Variants in DACH2 observed in about 807,000 individuals in gnomAD.
DACH2 encodes the protein dachshund homolog 2.
DACH2 carries 17 observed loss-of-function variants against 35.8 expected under a neutral mutation model. The observed-to-expected ratio is 0.48, with a 90% confidence interval of 0.33 to 0.71. The LOEUF (loss-of-function observed/expected upper bound fraction) is 0.71, where lower values mean the gene tolerates loss of function less well. Ranked by LOEUF, DACH2 falls within the 30% of genes least tolerant of loss-of-function variation. The probability of loss-of-function intolerance (pLI) is 0.02; values close to 1 mark genes in which losing one functional copy is unlikely to be tolerated. For missense variants in DACH2, 469 were observed against 472.7 expected, an observed-to-expected ratio of 0.99 and a Z score of 0.07; for synonymous variants, 195 against 177.3, an observed-to-expected ratio of 1.10 and a Z score of -0.79.
intron 4 of DACH2, among the ~76,000 whole-genome samples, chrX:86,655,006 T>G (rs1040057721): frequency 7.2e-5 from 8 of 111,655 alleles, no homozygotes; most frequent in African/African-American, 9.8e-5. Context: ...TTTGTTGCCC[T>G]TTGGGTCACC....
chrX:86,231,230 C>T (rs2032941667), intron 1 of DACH2, among the ~76,000 whole-genome samples: 1 of 112,367 alleles, frequency 8.9e-6, no homozygotes, highest in Non-Finnish European at 1.9e-5. Context: ...TGGTTTAATG[C>T]TCTATTTTTG....
At chrX:86,815,689 C>T (rs1045746106) in intron 10 of DACH2, among the ~76,000 whole-genome samples, 2 of 106,174 alleles carry the variant, frequency 1.9e-5, no homozygotes, top group Non-Finnish European at 3.9e-5. Flanking sequence ...TTATCAATCA[C>T]ATCTTACAAA....
chrX:86,450,398 T>G (rs2037352619), intron 2 of DACH2, among the ~76,000 whole-genome samples: 3 of 111,374 alleles, frequency 2.7e-5, no homozygotes, highest in Non-Finnish European at 3.8e-5. Flanking sequence ...GAAAAGGACA[T>G]GTTTTTTTTC....
intron 1 of DACH2, among the ~76,000 whole-genome samples, chrX:86,206,167 A>G (rs991909685): frequency 1.2e-4 from 13 of 111,153 alleles, no homozygotes; most frequent in African/African-American, 4.3e-4. Flanking sequence ...TCCCTGATGA[A>G]CTACACTCAT....
intron 5 of DACH2, among the ~76,000 whole-genome samples, chrX:86,696,901 C>T (rs1205851858): frequency 1.8e-5 from 2 of 111,585 alleles, no homozygotes; most frequent in Non-Finnish European, 3.8e-5. Flanking sequence ...GAAACATGCT[C>T]ATAGTGCTCT....
chrX:86,708,200 A>G (rs2041240889), intron 5 of DACH2, among the ~76,000 whole-genome samples: 2 of 110,434 alleles, frequency 1.8e-5, no homozygotes, highest in Non-Finnish European at 3.8e-5. Flanking sequence ...ATGGTGAAAA[A>G]CTAGATGCTT....
chrX:86,254,285 C>A (rs1225892141), intron 1 of DACH2, among the ~76,000 whole-genome samples: 1 of 111,449 alleles, frequency 9.0e-6, no homozygotes, highest in Non-Finnish European at 1.9e-5. Flanking sequence ...TATTCTTATG[C>A]CTACTTCATA....
At chrX:86,425,499 T>C (rs2036878143) in intron 2 of DACH2, among the ~76,000 whole-genome samples, 1 of 111,247 alleles carries the variant, frequency 9.0e-6, no homozygotes, top group Non-Finnish European at 1.9e-5. Context: ...AATGATCCTT[T>C]GAGTTTCTGT....
intron 1 of DACH2, among the ~76,000 whole-genome samples, chrX:86,196,108 C>A (rs1479736580): frequency 9.0e-6 from 1 of 111,083 alleles, no homozygotes; most frequent in Non-Finnish European, 1.9e-5. Context: ...ATGACATAAA[C>A]AGAATTAAGA....
intron 3 of DACH2, among the ~76,000 whole-genome samples, chrX:86,577,159 G>A (rs771529085): frequency 2.6e-4 from 29 of 111,271 alleles, no homozygotes; most frequent in Non-Finnish European, 5.1e-4. Flanking sequence ...CCAAACCAAC[G>A]GCAGTTACTA....
chrX:86,812,905 A>G lies in DACH2; in HGVS notation c.1290A>G (p.Ile430Met). The change falls in exon 8 of 12, where the codon ATA (isoleucine) becomes ATG (methionine). Residue 430 changes from isoleucine to methionine, a missense_variant. By Grantham distance (10) the Ile-to-Met change is conservative (BLOSUM62 1). Coordinates refer to ENST00000373125, the MANE Select transcript of DACH2 (RefSeq NM_053281.3). ...IPIMKSPLDK[I>M]QLTPGQALPA... ...TAATGAAGTCACCCTTGGACAAGAT[A>G]CAGCTGACTCCTGGGCAGGCATTGC... 1 of 1,207,870 alleles carries G rather than the reference A, an allele frequency of 8.3e-7. No individual in the cohort carries two copies.
chrX:86,728,750 A>G (rs1345960166), intron 6 of DACH2, among the ~76,000 whole-genome samples: 1 of 112,696 alleles, frequency 8.9e-6, no homozygotes, highest in Non-Finnish European at 1.9e-5. Context: ...CAGAGGACAC[A>G]AGCCACCATA....
At chrX:86,705,063 A>ATATCTTACATATATATATATATATC (rs1556379592) in intron 5 of DACH2, among the ~76,000 whole-genome samples, 7 of 104,658 alleles carry the variant, frequency 6.7e-5, no homozygotes, top group African/African-American at 2.5e-4. Context: ...ATATATATAT[A>ATATCTTACATATATATATATATATC]TATCTCACAT....
At chrX:86,442,192 G>A (rs1258110218) in intron 2 of DACH2, among the ~76,000 whole-genome samples, 1 of 109,823 alleles carries the variant, frequency 9.1e-6, no homozygotes. Flanking sequence ...TTTGATAATG[G>A]CCACTCTAAT....
At chrX:86,410,961 A>T (rs1325649341) in intron 2 of DACH2, among the ~76,000 whole-genome samples, 1 of 97,625 alleles carries the variant, frequency 1.0e-5, no homozygotes, top group African/African-American at 3.8e-5. Flanking sequence ...GTATATTGTG[A>T]AAGTAGTGCT....
intron 3 of DACH2, among the ~76,000 whole-genome samples, chrX:86,624,599 A>G (rs957760196): frequency 7.1e-5 from 8 of 112,039 alleles, no homozygotes; most frequent in African/African-American, 9.7e-5. Context: ...AGAAGTTACC[A>G]CAGTCTTTCA....
At chrX:86,766,489 G>A (rs2041936785) in intron 7 of DACH2, among the ~76,000 whole-genome samples, 1 of 111,553 alleles carries the variant, frequency 9.0e-6, no homozygotes, top group South Asian at 3.8e-4. Context: ...GCTCTTGCAA[G>A]GAGGTGTGAA....
At chrX:86,322,897 G>A (rs764129986) in intron 1 of DACH2, among the ~76,000 whole-genome samples, 1 of 104,718 alleles carries the variant, frequency 9.5e-6, no homozygotes, top group African/African-American at 3.5e-5. Context: ...TCCTGCTAAT[G>A]GAGAGAGTAT....
At chrX:86,686,977 A>G (rs2148438034) in intron 4 of DACH2, among the ~76,000 whole-genome samples, 1 of 112,552 alleles carries the variant, frequency 8.9e-6, no homozygotes, top group Admixed American at 9.4e-5. Flanking sequence ...CTTGAATTTT[A>G]CATTTACTTC....
Sources: gnomAD v4.1 joint callset for allele counts (sites outside exome capture counted in the v4.1 genomes callset) on GRCh38, gnomAD v4.1.1 for gene constraint, MANE v1.5 for transcripts, NCBI Gene and HGNC (gene_info 2026-07-23, HGNC 2026-07-21) for gene names.